Variants in DDX43 observed in about 807,000 individuals in gnomAD.
The protein encoded by DDX43 is DEAD-box helicase 43, also known as probable ATP-dependent RNA helicase DDX43.
Under a neutral mutation model 84.9 loss-of-function variants are expected in DDX43, and 50 were observed. The observed-to-expected ratio is 0.59, with a 90% confidence interval of 0.47 to 0.75. DDX43 has a LOEUF of 0.75. Ranked by LOEUF, DDX43 falls within the 30% of genes least tolerant of loss-of-function variation. The probability of loss-of-function intolerance (pLI) is 0.00; values close to 1 mark genes in which losing one functional copy is unlikely to be tolerated. For synonymous variants in DDX43, 291 were observed against 266.3 expected, an observed-to-expected ratio of 1.09 and a Z score of -0.90; for missense variants, 689 against 798.6, an observed-to-expected ratio of 0.86 and a Z score of 1.65.
chr6:73,416,240 A>G lies in DDX43; in HGVS notation c.*14A>G. The G allele has an allele frequency of 7.4e-7, 1 of 1,349,280 alleles. No individual in the cohort carries two copies. Among genetic ancestry groups the G allele is most frequent in the Non-Finnish European group, 1.1e-6 (1 of 940,812 alleles). 83.6% of individuals were successfully genotyped at this position (1,349,280 alleles called of 1,614,324 possible). On this transcript the variant is annotated 3_prime_UTR_variant, in exon 16 of 17. Coordinates refer to ENST00000370336, the MANE Select transcript of DDX43 (RefSeq NM_018665.3). ...AAGTTTCATTAATGTCTTCTGTACTAGTGGGGTAGAGGTAAAAGTTCAATA... is the reference window on the plus strand; with the variant it reads ...AAGTTTCATTAATGTCTTCTGTACTGGTGGGGTAGAGGTAAAAGTTCAATA...
chr6:73,412,184 G>A (rs370440720), intron 10 of DDX43, 21 bp from the exon 11 acceptor site: 39 of 1,588,482 alleles, frequency 2.5e-5, no homozygotes, highest in Non-Finnish European at 3.2e-5. Context: ...AAATTGTAAT[G>A]TTTGTAACTT....
intron 3 of DDX43, 50 bp from the exon 4 acceptor site, chr6:73,401,809 A>G: frequency 6.6e-7 from 1 of 1,505,858 alleles, no homozygotes. Context: ...CTCAAAAAAA[A>G]AAAAAAAAAA....
intron 3 of DDX43, among the ~76,000 whole-genome samples, chr6:73,401,535 G>T (rs919394957): frequency 2.0e-5 from 3 of 152,160 alleles, no homozygotes; most frequent in Non-Finnish European, 4.4e-5. Context: ...AGGCATGGTG[G>T]CTCACGCCTG....
chr6:73,404,893 G>T, intron 5 of DDX43, 122 bp downstream of exon 5: 1 of 776,010 alleles, frequency 1.3e-6, no homozygotes, highest in Non-Finnish European at 2.1e-6. Context: ...ATGAAAATGT[G>T]TCAACTTACA....
chr6:73,416,015 T>C (rs1286252764), intron 15 of DDX43, 98 bp from the exon 16 acceptor site: 9 of 702,830 alleles, frequency 1.3e-5, no homozygotes, highest in Non-Finnish European at 2.3e-5. Flanking sequence ...AAGGATGTCA[T>C]GTAACCAGCT....
At position 73,414,069 on chromosome 6, in the gene DDX43, C is replaced by T. The variant is rs543228995; in HGVS notation, c.1596C>T (p.Asn532=). ...GAGATCGGGAGAAAGCATTAGAGAA[C>T]TTTAAAACAGGTATGTTTATGTAAT... ...EQRDREKALE[N]FKTGKVRILI... The change falls in exon 13 of 17, where the codon AAC becomes AAT. Residue 532 remains asparagine (N), a synonymous_variant. Coordinates refer to ENST00000370336, the MANE Select transcript of DDX43 (RefSeq NM_018665.3). 6.3e-7 allele frequency: 1 copy of T among 1,584,078 alleles called. No individual in the cohort carries two copies. Among genetic ancestry groups the T allele is most frequent in the East Asian group, 2.2e-5 (1 of 44,668 alleles).
rs1769426787 is a variant in DDX43 at position 73,394,835 on chromosome 6, T to C, written c.-71T>C. 4.5e-6 allele frequency: 7 copies of C among 1,572,680 alleles called. No homozygotes were observed. Among genetic ancestry groups the C allele is most frequent in the Non-Finnish European group, 6.0e-6 (7 of 1,160,200 alleles). On this transcript the variant is annotated 5_prime_UTR_variant, in exon 1 of 17. Coordinates refer to ENST00000370336, the MANE Select transcript of DDX43 (RefSeq NM_018665.3). ...CTGCGTGGCTTCCCTGGCACGCTAC[T>C]CTTACGACGTCACGGTCAGGTGGTG... is the stretch of plus-strand genomic sequence containing the variant.
At chr6:73,412,716 A>T (rs903420153) in intron 11 of DDX43, among the ~76,000 whole-genome samples, 1 of 96,444 alleles carries the variant, frequency 1.0e-5, no homozygotes, top group African/African-American at 3.8e-5. Context: ...CGCATGTGCA[A>T]GTGATATATA....
chr6:73,398,189 C>T (rs780527606), intron 2 of DDX43, among the ~76,000 whole-genome samples: 13 of 152,122 alleles, frequency 8.5e-5, no homozygotes, highest in Non-Finnish European at 1.5e-4. Flanking sequence ...ACTCCTTATT[C>T]TCAAGAAGCC....
At chr6:73,409,036 T>G (rs754115795) in intron 9 of DDX43, among the ~76,000 whole-genome samples, 1 of 152,246 alleles carries the variant, frequency 6.6e-6, no homozygotes, top group Non-Finnish European at 1.5e-5. Flanking sequence ...TAAGGAGATT[T>G]GGAAGCTATT....
chr6:73,407,697 C>A, intron 8 of DDX43, 82 bp downstream of exon 8: 2 of 1,058,722 alleles, frequency 1.9e-6, no homozygotes, highest in Non-Finnish European at 2.9e-6. Context: ...CATCATTTTT[C>A]ACACATTCAG....
At chr6:73,407,010 T>C (rs1769698725) in intron 7 of DDX43, 1 of 154,016 alleles carries the variant, frequency 6.5e-6, no homozygotes, top group East Asian at 1.9e-4. Context: ...ATTTTTTAGG[T>C]ACGTAGATCA....
Position 73,414,657 on chromosome 6 carries a change from A to T in DDX43, c.1716A>T (p.Val572=). 1 of 1,614,038 alleles carries T rather than the reference A, an allele frequency of 6.2e-7. No homozygotes were observed. The highest frequency in any genetic ancestry group is 1.1e-5 in the South Asian group (1 of 91,060). The change falls in exon 14 of 17, where the codon GTA becomes GTT. Residue 572 remains valine, a synonymous_variant. Coordinates refer to ENST00000370336, the MANE Select transcript of DDX43 (RefSeq NM_018665.3). ...TTCCACGGAATATTGAAGAATACGT[A>T]CACCGAATAGGGCGCACGGGAAGAG... ...FDFPRNIEEY[V]HRIGRTGRAG...
chr6:73,414,829 T>A, intron 14 of DDX43, 143 bp downstream of exon 14: 1 of 739,124 alleles, frequency 1.4e-6, no homozygotes. Flanking sequence ...ACTTTATTTA[T>A]CCCTGTTCAT....
chr6:73,414,781 C>T, intron 14 of DDX43, 95 bp downstream of exon 14: 2 of 1,194,080 alleles, frequency 1.7e-6, no homozygotes, highest in Non-Finnish European at 2.3e-6. Context: ...TATTCTATTA[C>T]CTATAATTTT....
chr6:73,414,476 C>A, intron 13 of DDX43, 72 bp from the exon 14 acceptor site: 3 of 1,224,212 alleles, frequency 2.5e-6, no homozygotes, highest in Non-Finnish European at 3.4e-6. Context: ...TTAGTTAGGG[C>A]AAATATTATT....
At chr6:73,408,892 C>T (rs1769733491) in intron 9 of DDX43, among the ~76,000 whole-genome samples, 1 of 152,192 alleles carries the variant, frequency 6.6e-6, no homozygotes, top group Non-Finnish European at 1.5e-5. Context: ...AGGAATATTT[C>T]TCATTCTCTT....
At position 73,397,754 on chromosome 6, in the gene DDX43, CTG is replaced by C. The variant is rs748487080; in HGVS notation, c.306+14_306+15del. The C allele has an allele frequency of 6.2e-6, 10 of 1,613,000 alleles. No homozygotes were observed. The highest frequency in any genetic ancestry group is 4.5e-5 in the East Asian group (2 of 44,880). On this transcript the variant is annotated intron_variant, in intron 2 of 16. Coordinates refer to ENST00000370336, the MANE Select transcript of DDX43 (RefSeq NM_018665.3). ...AAACACCACAATCCAAGTAAGCCAT[CTG>C]TGTTTTTCGGCCCTTAAGAGAGCAT...
chr6:73,395,265 G>A, intron 1 of DDX43, 110 bp downstream of exon 1: 1 of 1,316,300 alleles, frequency 7.6e-7, no homozygotes, highest in South Asian at 1.5e-5. Context: ...CACCTAGTGA[G>A]GTTCAGGTCT....
Sources: gnomAD v4.1 joint callset for allele counts (sites outside exome capture counted in the v4.1 genomes callset) on GRCh38, gnomAD v4.1.1 for gene constraint, MANE v1.5 for transcripts, NCBI Gene and HGNC (gene_info 2026-07-23, HGNC 2026-07-21) for gene names.